Variants in SRRM3 observed in about 807,000 individuals in gnomAD.
SRRM3 encodes the protein serine/arginine repetitive matrix 3, also known as serine/arginine repetitive matrix protein 3.
In SRRM3, 27 loss-of-function variants were observed where a neutral mutation model predicts 66.2. The observed-to-expected ratio is 0.41, with a 90% CI of 0.30 to 0.56. The LOEUF is 0.56. SRRM3 is among the 20% of genes least tolerant of loss of function. The probability of loss-of-function intolerance (pLI) is 0.32; values close to 1 mark genes in which losing one functional copy is unlikely to be tolerated. For synonymous variants in SRRM3, 391 were observed against 414.9 expected (o/e 0.94, Z 0.70); for missense variants, 918 against 991.9 (o/e 0.93, Z 1.00).
Position 76,286,126 on chromosome 7 carries a change from TC to T in SRRM3, c.*288del. 1 of 505,054 alleles carries T rather than the reference TC, an allele frequency of 2.0e-6. No individual in the cohort carries two copies. The highest frequency in any genetic ancestry group is 2.9e-5 in the South Asian group (1 of 33,968). The allele number at this position is 505,054 out of a possible 1,614,324, so 31.3% of individuals were successfully genotyped here. ...CGTTACGAACACAGGAATCTCCCCA[TC>T]CCCCTTCCTGCTGATGCCAACTCAC... On this transcript the variant is annotated 3_prime_UTR_variant, in exon 15 of 15. Coordinates refer to ENST00000611745, the MANE Select transcript of SRRM3 (RefSeq NM_001110199.3).
At chr7:76,203,608 A>G (rs1293932890) in intron 1 of SRRM3, among the ~76,000 whole-genome samples, 1 of 152,224 alleles carries the variant, frequency 6.6e-6, no homozygotes, top group Admixed American at 6.5e-5. Context: ...GAGGAGATGA[A>G]CAGTGGTTGA....
chr7:76,265,568 C>G, intron 10 of SRRM3, 100 bp downstream of exon 10: 1 of 913,418 alleles, frequency 1.1e-6, no homozygotes, highest in Non-Finnish European at 1.6e-6. Context: ...GACAGAATGT[C>G]AATTCATCGG....
rs559476255 is a variant in SRRM3, at chr7:76,260,776, C to T, written c.546-98C>T. 7 of 1,203,902 alleles carry T rather than the reference C, an allele frequency of 5.8e-6. No homozygotes were observed. The East Asian group carries it at 1.8e-4, about 31-fold the overall frequency. 74.6% of individuals were successfully genotyped at this position (1,203,902 alleles called of 1,614,324 possible). A position where few individuals can be genotyped will look rare whatever the true frequency, so the allele number is the denominator to read the frequency against. ...ATCTGCCATCCCCGAATCTCTCTGT[C>T]CACCCTCCCCTGTCCTGCGTGAGAC... On this transcript the variant is annotated intron_variant, in intron 5 of 14. Coordinates refer to ENST00000611745, the MANE Select transcript of SRRM3 (RefSeq NM_001110199.3).
At position 76,261,350 on chromosome 7, in the gene SRRM3, AG is replaced by A; in HGVS notation, c.576-1del. ...CTAGAGCCCACCTCCCTGTGTCCAC[AG>A]CTGTGGGAGCTCCTCACCCCTCCGC... On this transcript the variant is annotated splice_acceptor_variant, in intron 6 of 14. Transcript: ENST00000611745. LOFTEE classifies it high-confidence loss of function. The A allele has an allele frequency of 1.5e-6, 2 of 1,363,762 alleles. No homozygotes were observed. Among genetic ancestry groups the A allele is most frequent in the Non-Finnish European group, 1.9e-6 (2 of 1,035,944 alleles). 84.5% of individuals were successfully genotyped at this position (1,363,762 alleles called of 1,614,324 possible).
At chr7:76,263,877 CAAAAAAAAAAAAAAAAA>C (rs781852712) in intron 8 of SRRM3, among the ~76,000 whole-genome samples, 3 of 49,524 alleles carry the variant, frequency 6.1e-5, no homozygotes, top group Non-Finnish European at 1.3e-4. Flanking sequence ...TGTCTCAAGA[CAAAAAAAAAAAAAAAAA>C]AAAAAAAAAA....
intron 5 of SRRM3, among the ~76,000 whole-genome samples, 156 bp from the exon 6 acceptor site, chr7:76,260,718 C>T (rs1488409034): frequency 6.6e-6 from 1 of 152,104 alleles, no homozygotes; most frequent in Non-Finnish European, 1.5e-5. Flanking sequence ...CCCACCAACA[C>T]TAGTGCGAGT....
chr7:76,250,253 CAG>C (rs1554606729), intron 3 of SRRM3, among the ~76,000 whole-genome samples: 1 of 151,042 alleles, frequency 6.6e-6, no homozygotes, highest in Non-Finnish European at 1.5e-5. Flanking sequence ...TTGTTTGAGA[CAG>C]AGTTTTGCTC....
chr7:76,215,044 A>G (rs1554602351), intron 1 of SRRM3, among the ~76,000 whole-genome samples: 1 of 84,562 alleles, frequency 1.2e-5, no homozygotes, highest in Non-Finnish European at 2.2e-5. Context: ...TATTCACTCA[A>G]AAAAAAAAAA....
At chr7:76,227,136 C>T (rs887242294) in intron 1 of SRRM3, among the ~76,000 whole-genome samples, 74 of 124,444 alleles carry the variant, frequency 5.9e-4, no homozygotes, top group African/African-American at 2.3e-3. Context: ...TAAAGACTTC[C>T]CATGTGCTGC....
At chr7:76,236,949 C>G (rs78560915) in intron 2 of SRRM3, among the ~76,000 whole-genome samples, 11,149 of 152,130 alleles carry the variant, frequency 0.073, 952 homozygotes, top group African/African-American at 0.2. Flanking sequence ...AACCTCAGGT[C>G]GTGAATTAAA....
chr7:76,266,347 T>C (rs1219511583), intron 10 of SRRM3, among the ~76,000 whole-genome samples: 1 of 116,456 alleles, frequency 8.6e-6, no homozygotes, highest in Non-Finnish European at 1.6e-5. Context: ...TATTTCAATA[T>C]AAATATTAAT....
chr7:76,281,320 C>G, intron 11 of SRRM3, 121 bp from the exon 12 acceptor site: 1 of 672,484 alleles, frequency 1.5e-6, no homozygotes, highest in Non-Finnish European at 2.0e-6. Flanking sequence ...CTTTCTGTCT[C>G]TGTCTCTGTC....
chr7:76,267,368 A>T lies in SRRM3; in HGVS notation c.941A>T (p.Asn314Ile). 1.4e-6 allele frequency: 2 copies of T among 1,469,378 alleles called. No homozygotes were observed. The highest frequency in any genetic ancestry group is 1.8e-6 in the Non-Finnish European group (2 of 1,116,050). The allele number at this position is 1,469,378 out of a possible 1,614,324, so 91.0% of individuals were successfully genotyped here. A position where few individuals can be genotyped will look rare whatever the true frequency, so the allele number is the denominator to read the frequency against. Residue 314 changes from asparagine (N) to isoleucine (I), a missense_variant, in exon 11 of 15, where the codon AAC becomes ATC. By Grantham distance (149) the Asn-to-Ile change is moderately radical (BLOSUM62 -3). Transcript: ENST00000611745. ...GGSGWGSPQR[N>I]GGSGQRSGAH... ...AGCGGATGGGGGTCGCCCCAGCGGA[A>T]CGGCGGCAGCGGGCAGCGGAGCGGA...
chr7:76,261,360 G>T lies in SRRM3; in HGVS notation c.584G>T (p.Ser195Ile). 6.3e-7 allele frequency: 1 copy of T among 1,585,990 alleles called. No individual in the cohort carries two copies. Among genetic ancestry groups the T allele is most frequent in the Non-Finnish European group, 8.5e-7 (1 of 1,171,296 alleles). ...CCTCCCTGTGTCCACAGCTGTGGGA[G>T]CTCCTCACCCCTCCGCAAGAAGAAG... ...RRLESECSCG[S>I]SSPLRKKKKS... is the part of the protein sequence containing the mutation. Residue 195 changes from serine to isoleucine, a missense_variant, in exon 7 of 15, where the codon AGC becomes ATC. Coordinates refer to ENST00000611745, the MANE Select transcript of SRRM3 (RefSeq NM_001110199.3).
chr7:76,277,746 G>GAAAGAAAAAAAAAAGAAAA (rs1554611345), intron 11 of SRRM3, among the ~76,000 whole-genome samples: 1 of 106,770 alleles, frequency 9.4e-6, no homozygotes, highest in African/African-American at 3.7e-5. Flanking sequence ...GAGAGAGAGA[G>GAAAGAAAAAAAAAAGAAAA]AAAGAAAGAA....
chr7:76,240,725 A>G (rs1361429631), intron 2 of SRRM3, among the ~76,000 whole-genome samples: 1 of 151,368 alleles, frequency 6.6e-6, no homozygotes, highest in African/African-American at 2.4e-5. Context: ...CCCCAAAGCC[A>G]CAATGCATTT....
chr7:76,282,121 C>T (rs1554612014), intron 12 of SRRM3, among the ~76,000 whole-genome samples: 1 of 150,148 alleles, frequency 6.7e-6, no homozygotes, highest in Admixed American at 6.6e-5. Flanking sequence ...CTCAACTCCC[C>T]TCTCACAGGG....
In SRRM3 at chr7:76,259,912, G is replaced by C. The variant is rs782352099; in HGVS notation, c.342G>C (p.Ala114=). The C allele has an allele frequency of 2.5e-6, 4 of 1,601,460 alleles. No individual in the cohort carries two copies. The highest frequency in any genetic ancestry group is 3.4e-6 in the Non-Finnish European group (4 of 1,179,550). ...GCGTCCCTGTCGCCGGCAGTGTGGC[G>C]GAGACCCCGCGGCTGACCGAGGGCG... ...REDRPGGHIV[A]ETPRLTEGAE... The change falls in exon 4 of 15, where the codon GCG becomes GCC. Residue 114 remains alanine (A), a synonymous_variant. Coordinates refer to ENST00000611745, the MANE Select transcript of SRRM3 (RefSeq NM_001110199.3).
chr7:76,281,234 CTG>C (rs1802493346), intron 11 of SRRM3, among the ~76,000 whole-genome samples: 1 of 151,356 alleles, frequency 6.6e-6, no homozygotes, highest in African/African-American at 2.4e-5. Flanking sequence ...CTCTTTTTCT[CTG>C]TCTCTCGCTC....
Sources: allele counts gnomAD v4.1 joint callset (sites outside exome capture counted in the v4.1 genomes callset), GRCh38; gene constraint gnomAD v4.1.1; transcripts MANE v1.5; gene names NCBI Gene and HGNC (gene_info 2026-07-23, HGNC 2026-07-21).